The following MIS18A variants were observed in gnomAD, a reference collection of about 807,000 sequenced individuals.
MIS18A encodes the protein protein Mis18-alpha.
MIS18A carries 14 observed loss-of-function variants against 25.0 expected under a neutral mutation model. The observed-to-expected ratio is 0.56, with a 90% confidence interval of 0.37 to 0.88. MIS18A has a LOEUF of 0.88. MIS18A is among the 40% of genes least tolerant of loss of function. The pLI is 0.00. For synonymous variants in MIS18A, 134 were observed against 118.6 expected (o/e 1.13, Z -0.84); for missense variants, 292 against 290.8 (o/e 1.00, Z -0.03).
the MIS18A span, among the ~76,000 whole-genome samples, chr21:32,237,966 T>G: frequency 6.6e-6 from 1 of 152,116 alleles, no homozygotes; most frequent in Non-Finnish European, 1.5e-5. Flanking sequence ...CTCTCCATCT[T>G]TCTGCCCTGT....
chr21:32,263,999 CT>C (rs2031552662), downstream of MIS18A, among the ~76,000 whole-genome samples: 5 of 151,926 alleles, frequency 3.3e-5, no homozygotes, highest in Admixed American at 2.6e-4. Flanking sequence ...CATGCCCTGT[CT>C]TTTATTTGGT....
chr21:32,236,307 C>T, the MIS18A span, among the ~76,000 whole-genome samples: 7 of 151,982 alleles, frequency 4.6e-5, no homozygotes, highest in South Asian at 1.0e-3. Flanking sequence ...GGCGTGAACC[C>T]GGGAGGTGGA....
At chr21:32,172,569 T>C in the MIS18A span, among the ~76,000 whole-genome samples, 1 of 143,668 alleles carries the variant, frequency 7.0e-6, no homozygotes, top group Non-Finnish European at 1.5e-5. Context: ...CAGATGCGTT[T>C]TTTTTCCTTT....
At chr21:32,169,769 G>T in the MIS18A span, among the ~76,000 whole-genome samples, 2 of 152,018 alleles carry the variant, frequency 1.3e-5, no homozygotes, top group Non-Finnish European at 2.9e-5. Flanking sequence ...TGAACATTAA[G>T]TTAGTCAAGT....
chr21:32,157,755 TTAAA>T, the MIS18A span, among the ~76,000 whole-genome samples: 1 of 152,286 alleles, frequency 6.6e-6, no homozygotes, highest in East Asian at 1.9e-4. Context: ...AAAGCAACTC[TTAAA>T]TAGTTTCTTA....
chr21:32,272,592 C>T (rs972177017), intron 2 of MIS18A, among the ~76,000 whole-genome samples: 3 of 152,182 alleles, frequency 2.0e-5, no homozygotes, highest in African/African-American at 7.2e-5. Flanking sequence ...ACAGAACAGA[C>T]CTCAGGCAGA....
chr21:32,218,389 A>C, the MIS18A span, among the ~76,000 whole-genome samples: 70 of 152,302 alleles, frequency 4.6e-4, no homozygotes, highest in South Asian at 8.3e-3. Context: ...GAAAGACAGA[A>C]TAAATGTATT....
the MIS18A span, among the ~76,000 whole-genome samples, chr21:32,172,593 C>CT: frequency 2.6e-3 from 375 of 146,460 alleles, 5 homozygotes; most frequent in South Asian, 0.046. Context: ...TTTTCCTTTC[C>CT]TTTTTTTTTT....
chr21:32,195,156 T>C, the MIS18A span, among the ~76,000 whole-genome samples: 1 of 152,220 alleles, frequency 6.6e-6, no homozygotes, highest in Admixed American at 6.5e-5. Context: ...GAATCTGTCA[T>C]ATGGCAGGCC....
the MIS18A span, among the ~76,000 whole-genome samples, chr21:32,211,241 A>C: frequency 6.6e-6 from 1 of 152,156 alleles, no homozygotes. Context: ...GGGTTTCAAC[A>C]TGTTGGTCAG....
the MIS18A span, among the ~76,000 whole-genome samples, chr21:32,255,111 C>A: frequency 5.9e-5 from 9 of 152,048 alleles, no homozygotes; most frequent in African/African-American, 2.2e-4. Context: ...GAAGGATATA[C>A]CCTAAGATAT....
chr21:32,178,963 T>G, the MIS18A span, among the ~76,000 whole-genome samples: 2 of 152,156 alleles, frequency 1.3e-5, no homozygotes. Context: ...CATCTGCTGT[T>G]TAACCCAACC....
chr21:32,201,208 G>A, the MIS18A span, among the ~76,000 whole-genome samples: 1 of 151,856 alleles, frequency 6.6e-6, no homozygotes, highest in Non-Finnish European at 1.5e-5. Flanking sequence ...TTGCTGCTGG[G>A]AGGGCACTAG....
chr21:32,257,489 G>T, the MIS18A span, among the ~76,000 whole-genome samples: 2 of 152,260 alleles, frequency 1.3e-5, no homozygotes, highest in African/African-American at 4.8e-5. Flanking sequence ...TTGTGGTCTT[G>T]GTTCTCTAAT....
the MIS18A span, among the ~76,000 whole-genome samples, chr21:32,218,788 T>A: frequency 6.6e-6 from 1 of 152,034 alleles, no homozygotes; most frequent in Non-Finnish European, 1.5e-5. Flanking sequence ...AAAACTAATA[T>A]CGAAATGGTA....
the MIS18A span, among the ~76,000 whole-genome samples, chr21:32,215,457 C>A: frequency 6.6e-6 from 1 of 152,074 alleles, no homozygotes; most frequent in Non-Finnish European, 1.5e-5. Context: ...CAGAAAACAG[C>A]CCTGGTAGGC....
At chr21:32,179,346 G>A in the MIS18A span, among the ~76,000 whole-genome samples, 1 of 152,148 alleles carries the variant, frequency 6.6e-6, no homozygotes, top group African/African-American at 2.4e-5. Context: ...TTTGGGAGAA[G>A]TCCCAGGTTT....
the MIS18A span, among the ~76,000 whole-genome samples, chr21:32,247,201 C>T: frequency 6.6e-6 from 1 of 152,196 alleles, no homozygotes; most frequent in Non-Finnish European, 1.5e-5. Context: ...GAAACTGACC[C>T]AAACGATGAC....
At chr21:32,176,198 A>G in the MIS18A span, among the ~76,000 whole-genome samples, 3 of 152,218 alleles carry the variant, frequency 2.0e-5, no homozygotes, top group Non-Finnish European at 4.4e-5. Context: ...ATAAACTAAT[A>G]ACATAGTTGT....
Sources: gnomAD v4.1 joint callset for allele counts (sites outside exome capture counted in the v4.1 genomes callset) on GRCh38, gnomAD v4.1.1 for gene constraint, MANE v1.5 for transcripts, NCBI Gene and HGNC (gene_info 2026-07-23, HGNC 2026-07-21) for gene names.